STK3: variants seen among roughly 807,000 people sequenced by gnomAD.
STK3 encodes serine/threonine kinase 3, also known as serine/threonine-protein kinase 3.
Under a neutral mutation model 58.0 loss-of-function variants are expected in STK3, and 41 were observed. The ratio of observed to expected loss-of-function variants is 0.71; its 90% CI spans 0.55 to 0.92. The LOEUF (loss-of-function observed/expected upper bound fraction) is 0.92, where lower values mean the gene tolerates loss of function less well. Among genes scored for constraint, STK3 ranks in the 40% least tolerant of loss-of-function variants. STK3 has a pLI of 0.00. For synonymous variants in STK3, 170 were observed against 191.0 expected, an observed-to-expected ratio of 0.89 and a Z score of 0.91; for missense variants, 479 against 602.7, an observed-to-expected ratio of 0.79 and a Z score of 2.15.
chr8:98,461,057 G>C (rs780924788), intron 10 of STK3, among the ~76,000 whole-genome samples: 2 of 152,114 alleles, frequency 1.3e-5, no homozygotes, highest in Non-Finnish European at 2.9e-5. Context: ...TTTCTGCCTC[G>C]ATGATCTGTC....
chr8:98,671,710 TA>T (rs1822845068), intron 6 of STK3, among the ~76,000 whole-genome samples: 1 of 151,986 alleles, frequency 6.6e-6, no homozygotes, highest in Admixed American at 6.6e-5. Flanking sequence ...GCTTCCAGAG[TA>T]GCTGGGACCA....
intron 10 of STK3, among the ~76,000 whole-genome samples, chr8:98,477,728 G>GGGT (rs1821485427): frequency 1.9e-5 from 2 of 105,916 alleles, no homozygotes; most frequent in Non-Finnish European, 4.0e-5. Flanking sequence ...GGGCGGGGGG[G>GGGT]GGCCCTAATG....
intron 9 of STK3, among the ~76,000 whole-genome samples, chr8:98,535,864 A>G (rs1247030175): frequency 6.6e-6 from 1 of 152,272 alleles, no homozygotes; most frequent in Admixed American, 6.5e-5. Flanking sequence ...TCAAAACAGA[A>G]AGATGGGCTG....
At chr8:98,614,776 G>A (rs924918463) in intron 6 of STK3, among the ~76,000 whole-genome samples, 2 of 152,202 alleles carry the variant, frequency 1.3e-5, no homozygotes, top group African/African-American at 2.4e-5. Flanking sequence ...CGCACCACGA[G>A]ACTATATCCC....
chr8:98,877,400 T>C (rs995606859), intron 3 of STK3, among the ~76,000 whole-genome samples: 1 of 152,198 alleles, frequency 6.6e-6, no homozygotes, highest in Non-Finnish European at 1.5e-5. Context: ...TTGTTTAGAC[T>C]TTTCACTCCT....
chr8:98,870,705 T>C (rs1837339200), intron 3 of STK3, among the ~76,000 whole-genome samples: 1 of 152,244 alleles, frequency 6.6e-6, no homozygotes. Context: ...TTTTTTCTTA[T>C]ACATTTGTTT....
the STK3 span, among the ~76,000 whole-genome samples, chr8:98,363,623 C>T: frequency 6.6e-6 from 1 of 152,250 alleles, no homozygotes; most frequent in South Asian, 2.1e-4. Context: ...AGCCAAATTT[C>T]AGCTCCAGTC....
intron 9 of STK3, among the ~76,000 whole-genome samples, chr8:98,531,127 C>T (rs984458300): frequency 3.9e-5 from 6 of 152,188 alleles, no homozygotes; most frequent in Non-Finnish European, 5.9e-5. Flanking sequence ...CACAAATGTT[C>T]TTAATAACAT....
chr8:98,659,847 C>T (rs192503459), intron 6 of STK3, among the ~76,000 whole-genome samples: 4 of 151,480 alleles, frequency 2.6e-5, no homozygotes, highest in Non-Finnish European at 5.9e-5. Context: ...TCCATCCTTT[C>T]GGTAGGAAGT....
intron 1 of STK3, among the ~76,000 whole-genome samples, chr8:98,789,003 TGA>T (rs2131568335): frequency 6.6e-6 from 1 of 152,318 alleles, no homozygotes; most frequent in African/African-American, 2.4e-5. Flanking sequence ...ATAGACCATA[TGA>T]GAGGCCACAA....
intron 8 of STK3, among the ~76,000 whole-genome samples, chr8:98,554,848 T>C (rs187234693): frequency 3.1e-4 from 47 of 152,274 alleles, no homozygotes; most frequent in African/African-American, 1.1e-3. Context: ...TATAATTTCA[T>C]TTGATACTTT....
At chr8:98,399,432 C>T (rs370586822), downstream of STK3, among the ~76,000 whole-genome samples, 14 of 152,316 alleles carry the variant, frequency 9.2e-5, 1 homozygote, top group African/African-American at 3.4e-4. Flanking sequence ...GGTTGACGCT[C>T]TTTGGCATGA....
intron 4 of STK3, among the ~76,000 whole-genome samples, chr8:98,740,373 C>T (rs1829087013): frequency 6.6e-6 from 1 of 152,124 alleles, no homozygotes; most frequent in Admixed American, 6.6e-5. Context: ...AAAGGGAAGC[C>T]CATCAGACTA....
intron 6 of STK3, among the ~76,000 whole-genome samples, chr8:98,694,720 T>C (rs1032594514): frequency 6.6e-6 from 1 of 152,034 alleles, no homozygotes; most frequent in Non-Finnish European, 1.5e-5. Context: ...ATGGTGTATA[T>C]GTGCCACATT....
chr8:98,651,385 A>G (rs982199181), intron 6 of STK3: 2 of 152,238 alleles, frequency 1.3e-5, no homozygotes, highest in African/African-American at 4.8e-5. Flanking sequence ...AACCACAAAG[A>G]TGGGGGAAAA....
At chr8:98,844,562 C>T (rs1836123763) in intron 3 of STK3, among the ~76,000 whole-genome samples, 1 of 152,106 alleles carries the variant, frequency 6.6e-6, no homozygotes, top group Non-Finnish European at 1.5e-5. Flanking sequence ...ACCTCTTGGG[C>T]TCAAGCCATC....
upstream of STK3, among the ~76,000 whole-genome samples, chr8:98,390,848 G>A (rs1416636918): frequency 5.3e-5 from 8 of 151,840 alleles, no homozygotes; most frequent in Non-Finnish European, 8.8e-5. Context: ...TTTTATTTTG[G>A]TTATGATTAC....
At chr8:98,797,330 T>C (rs553981415) in intron 1 of STK3, among the ~76,000 whole-genome samples, 55 of 152,166 alleles carry the variant, frequency 3.6e-4, no homozygotes, top group Non-Finnish European at 5.0e-4. Context: ...ATTCCTATCC[T>C]TCCCCCATCA....
At chr8:98,904,858 T>G in intron 1 of STK3, 1 of 674,466 alleles carries the variant, frequency 1.5e-6, no homozygotes, top group Non-Finnish European at 2.8e-6. Context: ...TCTTAGGGAT[T>G]AGCAGAAGTA....
Sources: allele counts gnomAD v4.1 joint callset (sites outside exome capture counted in the v4.1 genomes callset), GRCh38; gene constraint gnomAD v4.1.1; transcripts MANE v1.5; gene names NCBI Gene and HGNC (gene_info 2026-07-23, HGNC 2026-07-21).